Variants in NSF observed in about 807,000 individuals in gnomAD.
NSF encodes the protein vesicle-fusing ATPase.
Under a neutral mutation model 50.3 loss-of-function variants are expected in NSF, and 14 were observed. The ratio of observed to expected loss-of-function variants is 0.28; its 90% CI spans 0.18 to 0.44. The LOEUF (loss-of-function observed/expected upper bound fraction) is 0.44, where lower values mean the gene tolerates loss of function less well. Ranked by LOEUF, NSF falls within the 20% of genes least tolerant of loss-of-function variation. The pLI is 1.00. For missense variants in NSF, 218 were observed against 504.3 expected, an observed-to-expected ratio of 0.43 and a Z score of 5.44; for synonymous variants, 109 against 175.7, an observed-to-expected ratio of 0.62 and a Z score of 3.00.
intron 17 of NSF, among the ~76,000 whole-genome samples, chr17:46,735,233 A>C (rs969601817): frequency 2.6e-5 from 4 of 152,170 alleles, no homozygotes. Flanking sequence ...TGATAACTCA[A>C]AATTAAATAT....
intron 15 of NSF, among the ~76,000 whole-genome samples, chr17:46,716,762 G>A (rs933382030): frequency 8.5e-5 from 13 of 152,246 alleles, no homozygotes; most frequent in Middle Eastern, 3.4e-3. Flanking sequence ...ATTCATATTT[G>A]TCCTTCAATT....
Position 46,755,928 on chromosome 17 carries a change from C to A in NSF, c.*105C>A. 1 of 1,117,834 alleles carries A rather than the reference C, an allele frequency of 8.9e-7. No homozygotes were observed. The highest frequency in any genetic ancestry group is 1.3e-6 in the Non-Finnish European group (1 of 760,798). 69.2% of individuals were successfully genotyped at this position (1,117,834 alleles called of 1,614,324 possible). Reference sequence around the variant, plus strand: ...AAGATACTGGACTAAGTGGAACGTTCTCTACCTTCAACATGTGCTCGCTCT... The same window carrying A: ...AAGATACTGGACTAAGTGGAACGTTATCTACCTTCAACATGTGCTCGCTCT... On this transcript the variant is annotated 3_prime_UTR_variant, in exon 21 of 21. Transcript: ENST00000398238.
In NSF at chr17:46,704,649, G is replaced by C. The variant is rs565255672; in HGVS notation, c.1375-110G>C. Reference sequence around the variant, plus strand: ...TTGCAAATATTTCAGATTTTTTTATGTGTGAAAATATGCTTTTAAATCCTC... The same window carrying C: ...TTGCAAATATTTCAGATTTTTTTATCTGTGAAAATATGCTTTTAAATCCTC... On this transcript the variant is annotated intron_variant, in intron 12 of 20. Coordinates refer to ENST00000398238, the MANE Select transcript of NSF (RefSeq NM_006178.4). 1.8e-5 allele frequency: 23 copies of C among 1,280,920 alleles called. No individual in the cohort carries two copies. In the South Asian group the frequency reaches 3.4e-4, roughly 19 times the overall value. The allele number at this position is 1,280,920 out of a possible 1,614,324, so 79.3% of individuals were successfully genotyped here.
In NSF at chr17:46,685,078, C is replaced by A. The variant is rs1213573812; in HGVS notation, c.946-7825C>A. On this transcript the variant is annotated intron_variant, in intron 9 of 20. Transcript: ENST00000398238. Reference sequence around the variant, plus strand: ...ATATCAATTTTTATAAATAGTACTACTTAAAACAGAAACTCAGAAACTGAG... The same window carrying A: ...ATATCAATTTTTATAAATAGTACTAATTAAAACAGAAACTCAGAAACTGAG... Among the ~76,000 whole-genome samples the A allele has an allele frequency of 2.5e-5, 3 of 120,322 alleles. No homozygotes were observed. In the Admixed American group the frequency reaches 3.0e-4, roughly 12 times the overall value. The allele number at this position is 120,322 out of a possible 152,430, so 78.9% of individuals were successfully genotyped here. A position where few individuals can be genotyped will look rare whatever the true frequency, so the allele number is the denominator to read the frequency against.
In NSF at chr17:46,713,924, A is replaced by G; in HGVS notation, c.1699A>G (p.Ile567Val). The change falls in exon 15 of 21, where the codon ATC (isoleucine) becomes GTC (valine). Residue 567 changes from isoleucine (I) to valine (V), a missense_variant. Transcript: ENST00000398238. The stretch of plus-strand genomic sequence containing the variant: ...GGAATCCAACTTCCCGTTCATCAAG[A>G]TCTGTTCTCCTGATAAAATGATTGG... ...AEESNFPFIK[I>V]CSPDKMIGFS... 1 of 1,612,444 alleles carries G rather than the reference A, an allele frequency of 6.2e-7. No individual in the cohort carries two copies. The highest frequency in any genetic ancestry group is 1.1e-5 in the South Asian group (1 of 90,460).
intron 5 of NSF, among the ~76,000 whole-genome samples, chr17:46,638,435 C>T (rs1205989938): frequency 1.3e-4 from 6 of 47,656 alleles, no homozygotes; most frequent in Non-Finnish European, 1.8e-4. Context: ...TGGAGTGCAG[C>T]GGCACCATCT....
At chr17:46,614,364 TGAAAG>T (rs2058036482) in intron 1 of NSF, among the ~76,000 whole-genome samples, 1 of 103,588 alleles carries the variant, frequency 9.7e-6, no homozygotes, top group African/African-American at 5.2e-5. Flanking sequence ...TTTAATGACT[TGAAAG>T]GATAATGATG....
chr17:46,753,268 G>C (rs2059201631), intron 19 of NSF, among the ~76,000 whole-genome samples: 1 of 152,218 alleles, frequency 6.6e-6, no homozygotes, highest in African/African-American at 2.4e-5. Context: ...CGGCAGAGGT[G>C]AAGTTTCTGT....
rs1555668593 is a variant in NSF, at chr17:46,631,082, A to ACACACACACACG, written c.238+643_238+644insGCACACACACAC. Reference sequence around the variant, plus strand: ...TCTGTACACACACACACACACACACACACACACACACACACACACACACAT... The same window carrying ACACACACACACG: ...TCTGTACACACACACACACACACACACACACACACACGCACACACACACACACACACACACAT... On this transcript the variant is annotated intron_variant, in intron 4 of 20. Coordinates refer to ENST00000398238, the MANE Select transcript of NSF (RefSeq NM_006178.4). Among the ~76,000 whole-genome samples, 5 of 142,170 alleles carry ACACACACACACG rather than the reference A, an allele frequency of 3.5e-5. No homozygotes were observed. In the East Asian group the frequency reaches 8.8e-4, roughly 25 times the overall value. 93.3% of individuals were successfully genotyped at this position (142,170 alleles called of 152,430 possible).
chr17:46,714,623 A>G (rs2146267909), intron 15 of NSF, among the ~76,000 whole-genome samples: 1 of 152,338 alleles, frequency 6.6e-6, no homozygotes. Context: ...CTTACATTCA[A>G]GCAAGTGCCA....
intron 17 of NSF, among the ~76,000 whole-genome samples, chr17:46,739,542 AAAAAACAC>A (rs935290101): frequency 5.3e-5 from 8 of 151,926 alleles, no homozygotes; most frequent in Non-Finnish European, 7.4e-5. Context: ...CTTGTCTCGA[AAAAAACAC>A]AAAAACATAA....
intron 5 of NSF, among the ~76,000 whole-genome samples, chr17:46,638,750 C>T (rs994654735): frequency 3.1e-5 from 4 of 128,228 alleles, no homozygotes; most frequent in Non-Finnish European, 6.2e-5. Context: ...TCAAGTGATC[C>T]TCCCACCTCG....
intron 13 of NSF, among the ~76,000 whole-genome samples, chr17:46,708,197 G>T (rs148689592): frequency 6.6e-6 from 1 of 152,000 alleles, no homozygotes; most frequent in African/African-American, 2.4e-5. Flanking sequence ...TAGTTCTTTC[G>T]GGTATATACT....
intron 17 of NSF, among the ~76,000 whole-genome samples, chr17:46,740,718 A>G (rs1386687311): frequency 1.3e-5 from 2 of 151,074 alleles, no homozygotes; most frequent in Non-Finnish European, 2.9e-5. Context: ...CTGGAGTACA[A>G]TGGCACGATT....
intron 1 of NSF, among the ~76,000 whole-genome samples, chr17:46,610,027 T>TTCTTTCTTTCTCTCTC (rs774244394): frequency 1.4e-4 from 15 of 109,534 alleles, no homozygotes; most frequent in African/African-American, 4.6e-4. Context: ...CTTTCTTTCT[T>TTCTTTCTTTCTCTCTC]TCTCTCTCTC....
At chr17:46,743,274 C>T (rs2059095419) in intron 17 of NSF, among the ~76,000 whole-genome samples, 2 of 152,188 alleles carry the variant, frequency 1.3e-5, no homozygotes, top group South Asian at 2.1e-4. Context: ...TCCCGTCCCT[C>T]ACCCACCTGA....
chr17:46,722,013 C>T, intron 15 of NSF: 10 of 1,608,972 alleles, frequency 6.2e-6, no homozygotes, highest in Admixed American at 3.3e-5. Flanking sequence ...CCACCAACTT[C>T]AGTTTCCTTG....
At chr17:46,715,588 G>A (rs746188850) in intron 15 of NSF, among the ~76,000 whole-genome samples, 1 of 152,210 alleles carries the variant, frequency 6.6e-6, no homozygotes, top group African/African-American at 2.4e-5. Context: ...ACTCTGAGAT[G>A]TGGGTGGATG....
At chr17:46,709,516 A>G (rs1436081788) in intron 13 of NSF, among the ~76,000 whole-genome samples, 4 of 151,126 alleles carry the variant, frequency 2.6e-5, no homozygotes, top group Non-Finnish European at 4.4e-5. Context: ...TTTAAATGAG[A>G]TGGAGTCTTG....
Sources: gnomAD v4.1 joint callset for allele counts (sites outside exome capture counted in the v4.1 genomes callset) on GRCh38, gnomAD v4.1.1 for gene constraint, MANE v1.5 for transcripts, NCBI Gene and HGNC (gene_info 2026-07-23, HGNC 2026-07-21) for gene names.